The following PCNX2 variants were observed in gnomAD, a reference collection of about 807,000 sequenced individuals.
The protein encoded by PCNX2 is pecanex-like protein 2.
PCNX2 carries 168 observed loss-of-function variants against 223.8 expected under a neutral mutation model. The observed-to-expected ratio is 0.75, with a 90% CI of 0.66 to 0.85. PCNX2 has a LOEUF of 0.85. Among genes scored for constraint, PCNX2 ranks in the 40% least tolerant of loss-of-function variants. The pLI, the probability that PCNX2 is intolerant of heterozygous loss-of-function variation, is 0.00. For synonymous variants in PCNX2, 1,006 were observed against 1,052.6 expected (o/e 0.96, Z 0.86); for missense variants, 2,507 against 2,675.5 (o/e 0.94, Z 1.39).
At chr1:233,161,390 G>T (rs1239586817) in intron 17 of PCNX2, 27 bp from the exon 18 acceptor site, 1 of 1,590,394 alleles carries the variant, frequency 6.3e-7, no homozygotes, top group Non-Finnish European at 8.6e-7. Context: ...AGCGGTAAAG[G>T]CGACTCTTCA....
intron 1 of PCNX2, among the ~76,000 whole-genome samples, chr1:233,267,997 T>C (rs1365635600): frequency 6.6e-6 from 1 of 152,142 alleles, no homozygotes; most frequent in African/African-American, 2.4e-5. Context: ...CTGCAATCTC[T>C]GCGTCCCGAG....
At chr1:233,122,614 C>T (rs1353269388) in intron 21 of PCNX2, among the ~76,000 whole-genome samples, 1 of 151,392 alleles carries the variant, frequency 6.6e-6, no homozygotes, top group African/African-American at 2.4e-5. Context: ...ACCTCTCCTT[C>T]CTGGCTTCAA....
At chr1:233,255,221 C>G (rs1659667242) in intron 5 of PCNX2, among the ~76,000 whole-genome samples, 1 of 152,168 alleles carries the variant, frequency 6.6e-6, no homozygotes, top group African/African-American at 2.4e-5. Context: ...TGATTCATAA[C>G]TGATAGCTTC....
At chr1:233,108,007 C>A (rs968757423) in intron 21 of PCNX2, among the ~76,000 whole-genome samples, 5 of 152,190 alleles carry the variant, frequency 3.3e-5, no homozygotes, top group Admixed American at 1.3e-4. Flanking sequence ...CCCACCAGCG[C>A]CGTGACAGTT....
intron 14 of PCNX2, among the ~76,000 whole-genome samples, chr1:233,199,940 TGCTTAC>T (rs1298695776): frequency 6.6e-6 from 1 of 152,204 alleles, no homozygotes; most frequent in African/African-American, 2.4e-5. Flanking sequence ...CTTGTCTCTG[TGCTTAC>T]GCTCAACCAA....
At chr1:233,124,850 T>A (rs1676009912) in intron 21 of PCNX2, among the ~76,000 whole-genome samples, 1 of 152,232 alleles carries the variant, frequency 6.6e-6, no homozygotes, top group African/African-American at 2.4e-5. Flanking sequence ...TTTAACACCA[T>A]TCACCTCTTC....
At chr1:233,114,911 G>C (rs1675318680) in intron 21 of PCNX2, among the ~76,000 whole-genome samples, 1 of 152,130 alleles carries the variant, frequency 6.6e-6, no homozygotes, top group South Asian at 2.1e-4. Flanking sequence ...ACCCCACTAG[G>C]TTCTCATGGT....
At chr1:233,313,227 C>T in the PCNX2 span, among the ~76,000 whole-genome samples, 20 of 152,204 alleles carry the variant, frequency 1.3e-4, no homozygotes, top group Middle Eastern at 3.4e-3. Flanking sequence ...GGCAATGCTC[C>T]GCTCCTTGAT....
intron 23 of PCNX2, among the ~76,000 whole-genome samples, chr1:233,071,992 T>C (rs1249494416): frequency 1.3e-5 from 2 of 152,196 alleles, no homozygotes; most frequent in Non-Finnish European, 2.9e-5. Flanking sequence ...TTTAATGGGG[T>C]TGTTTTTCTC....
At chr1:233,248,776 A>G (rs1037947140) in intron 8 of PCNX2, among the ~76,000 whole-genome samples, 1 of 152,108 alleles carries the variant, frequency 6.6e-6, no homozygotes, top group African/African-American at 2.4e-5. Context: ...GAGACTCTCC[A>G]CCAAGCCACA....
intron 1 of PCNX2, among the ~76,000 whole-genome samples, chr1:233,267,979 T>C (rs1660433016): frequency 6.6e-6 from 1 of 152,172 alleles, no homozygotes; most frequent in South Asian, 2.1e-4. Flanking sequence ...TGGCACAATC[T>C]TGACTCACTG....
At chr1:233,209,927 C>A (rs1002472369) in intron 12 of PCNX2, among the ~76,000 whole-genome samples, 1 of 152,098 alleles carries the variant, frequency 6.6e-6, no homozygotes, top group Non-Finnish European at 1.5e-5. Context: ...TATACAAATA[C>A]ACATGTATAT....
intron 19 of PCNX2, among the ~76,000 whole-genome samples, chr1:233,153,599 G>A (rs1379733671): frequency 6.6e-6 from 1 of 152,148 alleles, no homozygotes; most frequent in Admixed American, 6.5e-5. Context: ...TAATGCATAA[G>A]GGAAGATAAG....
At chr1:233,018,807 T>C in intron 26 of PCNX2, 1 of 985,470 alleles carries the variant, frequency 1.0e-6, no homozygotes, top group South Asian at 4.7e-5. Context: ...CAGTGTTTGA[T>C]GCAAGGAGGC....
At chr1:233,085,100 TGAG>T (rs1221995756) in intron 23 of PCNX2, among the ~76,000 whole-genome samples, 3 of 152,106 alleles carry the variant, frequency 2.0e-5, no homozygotes, top group Non-Finnish European at 4.4e-5. Flanking sequence ...TTTGGGAGGC[TGAG>T]GAGGGCGGAT....
intron 15 of PCNX2, among the ~76,000 whole-genome samples, chr1:233,189,969 G>A (rs968401830): frequency 6.6e-6 from 1 of 152,066 alleles, no homozygotes; most frequent in African/African-American, 2.4e-5. Flanking sequence ...CATCTTGGAC[G>A]AGTCAAAGAG....
At chr1:232,996,400 A>T (rs1313571948) in intron 32 of PCNX2, among the ~76,000 whole-genome samples, 1 of 152,028 alleles carries the variant, frequency 6.6e-6, no homozygotes, top group African/African-American at 2.4e-5. Flanking sequence ...TGATCCTGAA[A>T]CACATTTTTC....
intron 15 of PCNX2, among the ~76,000 whole-genome samples, chr1:233,195,921 C>T (rs1372768121): frequency 6.6e-6 from 1 of 152,110 alleles, no homozygotes; most frequent in Non-Finnish European, 1.5e-5. Flanking sequence ...TTGTCAAACA[C>T]AGTGTAAAAC....
chr1:233,206,672 T>C (rs1286875144), intron 13 of PCNX2, among the ~76,000 whole-genome samples: 2 of 152,144 alleles, frequency 1.3e-5, no homozygotes, highest in Non-Finnish European at 2.9e-5. Flanking sequence ...TGTTTCTGTT[T>C]CCTAATTGAG....
Sources: gnomAD v4.1 joint callset for allele counts (sites outside exome capture counted in the v4.1 genomes callset) on GRCh38, gnomAD v4.1.1 for gene constraint, MANE v1.5 for transcripts, NCBI Gene and HGNC (gene_info 2026-07-23, HGNC 2026-07-21) for gene names.